ARHGAP24: variants seen among roughly 807,000 people sequenced by gnomAD.
ARHGAP24 encodes rho GTPase-activating protein 24.
A neutral mutation model predicts 76.4 loss-of-function variants in ARHGAP24; 50 were observed. The observed-to-expected ratio is 0.65, with a 90% CI of 0.52 to 0.83. ARHGAP24 has a LOEUF of 0.83. Ranked by LOEUF, ARHGAP24 falls within the 40% of genes least tolerant of loss-of-function variation. The pLI is 0.00. For missense variants in ARHGAP24, 930 were observed against 914.2 expected (o/e 1.02, Z -0.22); for synonymous variants, 345 against 323.3 (o/e 1.07, Z -0.72).
intron 1 of ARHGAP24, among the ~76,000 whole-genome samples, chr4:85,515,967 T>A (rs2110108225): frequency 6.6e-6 from 1 of 152,266 alleles, no homozygotes; most frequent in Admixed American, 6.5e-5. Flanking sequence ...CTTTGCCTAT[T>A]TAATATGTGT....
At chr4:85,596,407 C>T (rs547189775) in intron 2 of ARHGAP24, among the ~76,000 whole-genome samples, 76 of 152,124 alleles carry the variant, frequency 5.0e-4, no homozygotes, top group African/African-American at 1.7e-3. Context: ...ATGTGTGTGA[C>T]ATTTCCCAGT....
rs1245401633 is a variant in ARHGAP24, at chr4:85,995,500, G to A, written c.1846G>A (p.Val616Met). 6.2e-7 allele frequency: 1 copy of A among 1,602,784 alleles called. No homozygotes were observed. Among genetic ancestry groups the A allele is most frequent in the Non-Finnish European group, 8.5e-7 (1 of 1,173,636 alleles). The change falls in exon 9 of 10, where the codon GTG becomes ATG. Residue 616 changes from valine (V) to methionine (M), a missense_variant. Coordinates refer to ENST00000395184, the MANE Select transcript of ARHGAP24 (RefSeq NM_001025616.3). ...DYESKSDHRSVGGRSSRATSS... is the reference protein window; with the variant it reads ...DYESKSDHRSMGGRSSRATSS... ...TGAAAGCAAAAGTGACCACAGGAGT[G>A]TGGGAGGTCGAAGTAGTCGTGCCAC...
chr4:85,542,006 G>A (rs1725724132), intron 1 of ARHGAP24, among the ~76,000 whole-genome samples: 1 of 152,110 alleles, frequency 6.6e-6, no homozygotes, highest in African/African-American at 2.4e-5. Context: ...CCTTCAAAAA[G>A]CTTACAGGAG....
At chr4:85,600,768 G>A (rs1442949328) in intron 2 of ARHGAP24, among the ~76,000 whole-genome samples, 4 of 152,102 alleles carry the variant, frequency 2.6e-5, no homozygotes, top group African/African-American at 9.7e-5. Context: ...AATATGCTAC[G>A]CTTATTCAAC....
intron 1 of ARHGAP24, among the ~76,000 whole-genome samples, chr4:85,476,278 T>A (rs1330351881): frequency 6.6e-6 from 1 of 152,048 alleles, no homozygotes. Flanking sequence ...AGGGAGACAA[T>A]GTTACTCTGA....
rs796890122 is a variant in ARHGAP24 at position 85,649,011 on chromosome 4, A to G, written c.181-72874A>G. On this transcript the variant is annotated intron_variant, in intron 2 of 9. Coordinates refer to ENST00000395184, the MANE Select transcript of ARHGAP24 (RefSeq NM_001025616.3). ...TTTGGGTTAAATTGCATTTGTAAAT[A>G]TGTGTGTGTGTGTGTGTGTGTGTGT... Among the ~76,000 whole-genome samples, 576 of 148,026 alleles carry G rather than the reference A, an allele frequency of 3.9e-3. 4 individuals carry two copies. Among genetic ancestry groups the G allele is most frequent in the African/African-American group, 0.014 (535 of 38,362 alleles).
At chr4:85,923,027 G>C (rs147404846) in intron 3 of ARHGAP24, among the ~76,000 whole-genome samples, 1 of 151,934 alleles carries the variant, frequency 6.6e-6, no homozygotes, top group African/African-American at 2.4e-5. Flanking sequence ...TCTGGCCTTC[G>C]TGGCTGTCCA....
intron 3 of ARHGAP24, among the ~76,000 whole-genome samples, chr4:85,756,284 T>C (rs1316783225): frequency 6.6e-6 from 1 of 152,198 alleles, no homozygotes; most frequent in Non-Finnish European, 1.5e-5. Context: ...TTCTATACAT[T>C]TAATCAAGAA....
intron 8 of ARHGAP24, among the ~76,000 whole-genome samples, chr4:85,986,296 G>A (rs1216810804): frequency 2.0e-5 from 3 of 151,856 alleles, no homozygotes; most frequent in Non-Finnish European, 4.4e-5. Context: ...TGTTTTTTCA[G>A]CATTATTTTA....
chr4:85,509,865 C>A (rs1724207020), intron 1 of ARHGAP24, among the ~76,000 whole-genome samples: 1 of 151,972 alleles, frequency 6.6e-6, no homozygotes, highest in Non-Finnish European at 1.5e-5. Context: ...ATTTAAAATG[C>A]CCCTTTTGTA....
At chr4:85,876,333 T>A (rs1345362469) in intron 3 of ARHGAP24, among the ~76,000 whole-genome samples, 3 of 152,206 alleles carry the variant, frequency 2.0e-5, no homozygotes, top group Non-Finnish European at 4.4e-5. Context: ...TTGTCAGCAT[T>A]GTCTTTAATC....
intron 3 of ARHGAP24, among the ~76,000 whole-genome samples, chr4:85,902,131 C>A (rs1442715511): frequency 2.0e-5 from 3 of 152,128 alleles, no homozygotes; most frequent in Non-Finnish European, 4.4e-5. Context: ...CAGCTTCATC[C>A]ATATCCCTGC....
chr4:85,493,468 A>G (rs11097055), intron 1 of ARHGAP24, among the ~76,000 whole-genome samples: 113,367 of 152,150 alleles, frequency 0.75, 43,704 homozygotes, highest in East Asian at 0.97. Flanking sequence ...ATTTATGTAT[A>G]TCAGTATGGA....
At chr4:85,537,168 A>G (rs1016998957) in intron 1 of ARHGAP24, among the ~76,000 whole-genome samples, 2 of 152,120 alleles carry the variant, frequency 1.3e-5, no homozygotes, top group African/African-American at 4.8e-5. Context: ...ACAAGCACCT[A>G]TTGAGCACCT....
At chr4:85,494,814 C>A (rs942168736) in intron 1 of ARHGAP24, among the ~76,000 whole-genome samples, 6 of 152,014 alleles carry the variant, frequency 3.9e-5, no homozygotes, top group African/African-American at 1.2e-4. Context: ...AAAAGAGTGA[C>A]CTGGCCGGGC....
chr4:85,995,842 A>G (rs1411069728), intron 9 of ARHGAP24, among the ~76,000 whole-genome samples, 185 bp downstream of exon 9: 4 of 152,168 alleles, frequency 2.6e-5, no homozygotes, highest in Admixed American at 6.5e-5. Context: ...TGATTCCCTA[A>G]TGTAAACAAT....
intron 1 of ARHGAP24, among the ~76,000 whole-genome samples, chr4:85,514,819 A>AAAAT (rs1248649165): frequency 9.1e-6 from 1 of 110,036 alleles, no homozygotes; most frequent in Non-Finnish European, 2.0e-5. Context: ...CTAAATTGTA[A>AAAAT]AAAAAAAAAA....
intron 2 of ARHGAP24, among the ~76,000 whole-genome samples, chr4:85,631,439 T>C (rs889727432): frequency 6.6e-6 from 1 of 152,090 alleles, no homozygotes. Context: ...TTCCAATTAC[T>C]CTTTGGATGA....
At chr4:85,566,246 C>A (rs1726840401) in intron 1 of ARHGAP24, among the ~76,000 whole-genome samples, 1 of 152,182 alleles carries the variant, frequency 6.6e-6, no homozygotes, top group South Asian at 2.1e-4. Context: ...CACCCAGCTA[C>A]CATGGCCTGA....
Sources: allele counts gnomAD v4.1 joint callset (sites outside exome capture counted in the v4.1 genomes callset), GRCh38; gene constraint gnomAD v4.1.1; transcripts MANE v1.5; gene names NCBI Gene and HGNC (gene_info 2026-07-23, HGNC 2026-07-21).